CREB5: variants seen among roughly 807,000 people sequenced by gnomAD.
CREB5 encodes the protein cyclic AMP-responsive element-binding protein 5.
In CREB5, 19 loss-of-function variants were observed where a neutral mutation model predicts 57.1. The ratio of observed to expected loss-of-function variants is 0.33; its 90% CI spans 0.23 to 0.49. The LOEUF is 0.49. Among genes scored for constraint, CREB5 ranks in the 20% least tolerant of loss-of-function variants. CREB5 has a pLI of 0.99. For synonymous variants in CREB5, 238 were observed against 238.3 expected (o/e 1.00, Z 0.01); for missense variants, 579 against 671.6 (o/e 0.86, Z 1.52).
intron 1 of CREB5, among the ~76,000 whole-genome samples, chr7:28,477,277 C>T (rs1033738814): frequency 1.3e-5 from 2 of 152,270 alleles, no homozygotes; most frequent in African/African-American, 4.8e-5. Context: ...CTTTTCCCTT[C>T]CCCTTTCTTC....
intron 5 of CREB5, among the ~76,000 whole-genome samples, chr7:28,580,419 T>TC (rs1277688248): frequency 1.3e-4 from 10 of 79,228 alleles, no homozygotes; most frequent in African/African-American, 1.9e-4. Context: ...TTTGTCCCAA[T>TC]CCCCCCCCAC....
intron 1 of CREB5, among the ~76,000 whole-genome samples, chr7:28,300,669 A>C (rs574159648): frequency 1.4e-4 from 22 of 152,346 alleles, no homozygotes; most frequent in African/African-American, 5.3e-4. Context: ...CTGGTTGAGC[A>C]TTAGTGTGTG....
chr7:28,322,004 AC>A (rs1264545058), intron 1 of CREB5, among the ~76,000 whole-genome samples: 1 of 152,236 alleles, frequency 6.6e-6, no homozygotes, highest in Non-Finnish European at 1.5e-5. Flanking sequence ...TTTTAGTGAG[AC>A]GAACACAAAT....
intron 4 of CREB5, among the ~76,000 whole-genome samples, chr7:28,565,132 T>TA (rs1418455155): frequency 6.6e-6 from 1 of 152,224 alleles, no homozygotes; most frequent in African/African-American, 2.4e-5. Context: ...TACACATTAC[T>TA]AATCATTTGG....
intron 4 of CREB5, among the ~76,000 whole-genome samples, chr7:28,519,139 T>C (rs11984308): frequency 0.18 from 27,785 of 152,186 alleles, 4,463 homozygotes; most frequent in African/African-American, 0.44. Flanking sequence ...ATTACACCGT[T>C]GTGACATTGC....
rs1220962578 is a variant in CREB5 at position 28,564,184 on chromosome 7, T to C, written c.292-6181T>C. On this transcript the variant is annotated intron_variant, in intron 4 of 10. Coordinates refer to ENST00000357727, the MANE Select transcript of CREB5 (RefSeq NM_182898.4). ...CATAACTGCCCAGGCATCATTAAGA[T>C]GCAGACAACTCTAAGATTGCACAAC... Among the ~76,000 whole-genome samples the C allele has an allele frequency of 2.6e-5, 4 of 152,348 alleles. 1 individual carries two copies. The South Asian group carries it at 8.3e-4, about 32-fold the overall frequency.
At chr7:28,544,164 A>T (rs1054392969) in intron 4 of CREB5, among the ~76,000 whole-genome samples, 2 of 152,026 alleles carry the variant, frequency 1.3e-5, no homozygotes, top group African/African-American at 4.8e-5. Context: ...AGTGACTTTG[A>T]AATGTGACTT....
At chr7:28,347,390 A>G (rs1384278874) in intron 1 of CREB5, among the ~76,000 whole-genome samples, 1 of 152,198 alleles carries the variant, frequency 6.6e-6, no homozygotes, top group African/African-American at 2.4e-5. Context: ...AGAAGGCAGG[A>G]AAGAGGACAA....
chr7:28,779,860 A>T (rs147668422), intron 7 of CREB5, among the ~76,000 whole-genome samples: 1 of 152,002 alleles, frequency 6.6e-6, no homozygotes, highest in East Asian at 1.9e-4. Context: ...TCTGACACCC[A>T]CTTTCTTTCT....
chr7:28,395,044 T>A (rs566922702), intron 1 of CREB5, among the ~76,000 whole-genome samples: 2 of 152,244 alleles, frequency 1.3e-5, no homozygotes, highest in South Asian at 4.1e-4. Context: ...GACAGCTACT[T>A]CCCTGGGGGT....
intron 5 of CREB5, among the ~76,000 whole-genome samples, chr7:28,659,698 G>GATTTTGATACTTCAAA (rs1454980529): frequency 6.6e-6 from 1 of 152,102 alleles, no homozygotes; most frequent in Non-Finnish European, 1.5e-5. Context: ...ATTTCAATAT[G>GATTTTGATACTTCAAA]ATTTTGATAC....
chr7:28,472,785 G>A (rs1790885256), intron 1 of CREB5, among the ~76,000 whole-genome samples: 1 of 152,102 alleles, frequency 6.6e-6, no homozygotes, highest in South Asian at 2.1e-4. Flanking sequence ...CTGCAGCCTG[G>A]AATTCCTCAG....
intron 1 of CREB5, among the ~76,000 whole-genome samples, chr7:28,309,829 C>G (rs73080559): frequency 0.014 from 2,116 of 152,298 alleles, 33 homozygotes; most frequent in Admixed American, 0.023. Flanking sequence ...CTGGCTTCCT[C>G]CTTCTCTGAT....
intron 5 of CREB5, among the ~76,000 whole-genome samples, chr7:28,700,555 G>A (rs1207973092): frequency 1.3e-5 from 2 of 152,180 alleles, no homozygotes; most frequent in Non-Finnish European, 2.9e-5. Flanking sequence ...CTGTGTTTCT[G>A]TTGGATCGAA....
intron 1 of CREB5, among the ~76,000 whole-genome samples, chr7:28,463,425 C>A (rs1217231892): frequency 6.6e-6 from 1 of 152,136 alleles, no homozygotes; most frequent in Non-Finnish European, 1.5e-5. Flanking sequence ...ATTGAATTTT[C>A]ATATCGATTT....
chr7:28,560,931 T>TGGGTGC (rs1467935536), intron 4 of CREB5, among the ~76,000 whole-genome samples: 1 of 48,532 alleles, frequency 2.1e-5, no homozygotes, highest in Non-Finnish European at 3.8e-5. Flanking sequence ...TGCGCGTGCG[T>TGGGTGC]GTGTGCGTGC....
intron 5 of CREB5, among the ~76,000 whole-genome samples, chr7:28,711,700 G>A (rs1562589071): frequency 6.6e-6 from 1 of 152,190 alleles, no homozygotes; most frequent in Non-Finnish European, 1.5e-5. Flanking sequence ...AAGTCATTTT[G>A]AAAATTCTGT....
At chr7:28,380,678 G>A (rs1161828277) in intron 1 of CREB5, among the ~76,000 whole-genome samples, 1 of 152,200 alleles carries the variant, frequency 6.6e-6, no homozygotes. Context: ...AGAGTCACAT[G>A]TCTTAGCAAA....
At chr7:28,795,168 C>T (rs1045796658) in intron 7 of CREB5, among the ~76,000 whole-genome samples, 5 of 152,084 alleles carry the variant, frequency 3.3e-5, no homozygotes, top group Admixed American at 2.0e-4. Context: ...TGATGCTTTG[C>T]GAAGTCAAAA....
Sources: gnomAD v4.1 joint callset for allele counts (sites outside exome capture counted in the v4.1 genomes callset) on GRCh38, gnomAD v4.1.1 for gene constraint, MANE v1.5 for transcripts, NCBI Gene and HGNC (gene_info 2026-07-23, HGNC 2026-07-21) for gene names.